Variants in PPL observed in about 807,000 individuals in gnomAD.
The protein encoded by PPL is 190 kDa paraneoplastic pemphigus antigen.
Under a neutral mutation model 194.4 loss-of-function variants are expected in PPL, and 198 were observed. The observed-to-expected ratio is 1.02, with a 90% CI of 0.91 to 1.15. The LOEUF (loss-of-function observed/expected upper bound fraction) is 1.15, where lower values mean the gene tolerates loss of function less well. Ranked by LOEUF, PPL falls within the 50% of genes most tolerant of loss-of-function variation. The pLI is 0.00. For synonymous variants in PPL, 1,220 were observed against 972.4 expected, an observed-to-expected ratio of 1.25 and a Z score of -4.74; for missense variants, 2,885 against 2,294.8, an observed-to-expected ratio of 1.26 and a Z score of -5.25.
chr16:4,884,313 C>A lies in PPL; in HGVS notation c.4342G>T (p.Val1448Leu). The change falls in exon 22 of 22, where the codon GTG (valine) becomes TTG (leucine). Residue 1448 changes from valine (V) to leucine (L), a missense_variant. By Grantham distance (32) the Val-to-Leu change is conservative. Transcript: ENST00000345988. This position sits in a 1 kb window ranked among gnomAD's most constrained non-coding sequence, Gnocchi z 5.7. ...GCCTGCTGCGGGTCCTGCTGCAGCA[C>A]CACCTTCTGCGTATGGGTTACCTTC... The part of the protein sequence containing the change: ...REKVTHTQKV[V>L]LQQDPQQARE... The A allele has an allele frequency of 6.2e-7, 1 of 1,612,736 alleles. No homozygotes were observed. Among genetic ancestry groups the A allele is most frequent in the Non-Finnish European group, 8.5e-7 (1 of 1,179,672 alleles).
At chr16:4,897,964 A>C (rs953932617) in intron 8 of PPL, among the ~76,000 whole-genome samples, 194 bp from the exon 9 acceptor site, 1 of 152,170 alleles carries the variant, frequency 6.6e-6, no homozygotes, top group African/African-American at 2.4e-5. Flanking sequence ...CAAGGAGCCA[A>C]ACAGGGATGC....
intron 3 of PPL, 127 bp downstream of exon 3, chr16:4,903,759 C>A: frequency 9.1e-7 from 1 of 1,099,710 alleles, no homozygotes; most frequent in East Asian, 2.4e-5. Flanking sequence ...AAGCCTTTGG[C>A]ACGTGCCTGG....
rs1372389450 is a variant in PPL at position 4,885,999 on chromosome 16, C to T, written c.2656G>A (p.Asp886Asn). The T allele has an allele frequency of 2.5e-6, 4 of 1,614,004 alleles. No individual in the cohort carries two copies. The highest frequency in any genetic ancestry group is 3.4e-6 in the Non-Finnish European group (4 of 1,180,042). ...TTCCACGCCTCCTCCACTCCAGAGT[C>T]CGGCCTATTCCTTTGCAGGGTCTCA... ...THETLQRNRPDSGVEEAWKIR... is the reference protein window; with the variant it reads ...THETLQRNRPNSGVEEAWKIR... Residue 886 changes from aspartate to asparagine, a missense_variant, in exon 22 of 22, where the codon GAC (aspartate) becomes AAC (asparagine). Physicochemically the swap from Asp to Asn is conservative, Grantham distance 23. Coordinates refer to ENST00000345988, the MANE Select transcript of PPL (RefSeq NM_002705.5). The surrounding 1 kb of genome is among the most constrained non-coding windows in gnomAD (Gnocchi z 6.3).
At position 4,893,296 on chromosome 16, in the gene PPL, T is replaced by C. The variant is rs1167646983; in HGVS notation, c.1567A>G (p.Lys523Glu). The change falls in exon 14 of 22, where the codon AAG becomes GAG. Residue 523 changes from lysine (K) to glutamate (E), a missense_variant. By Grantham distance (56) the Lys-to-Glu change is moderately conservative. Transcript: ENST00000345988. ...KVASDLDRQE[K>E]AITGILRPPL... ...GGCCGCAGGATCCCTGTGATGGCCTTCTCCTGCCGGTCCAGGTCGCTGGCC... is the reference window on the plus strand; with the variant it reads ...GGCCGCAGGATCCCTGTGATGGCCTCCTCCTGCCGGTCCAGGTCGCTGGCC... The C allele has an allele frequency of 1.0e-5, 16 of 1,605,594 alleles. No homozygotes were observed. The highest frequency in any genetic ancestry group is 6.7e-5 in the East Asian group (3 of 44,808).
chr16:4,888,342 G>A (rs970451710), intron 19 of PPL, 124 bp from the exon 20 acceptor site: 11 of 682,196 alleles, frequency 1.6e-5, no homozygotes, highest in East Asian at 2.6e-5. Context: ...TATAATCTGC[G>A]TGGGTCTTCC....
intron 1 of PPL, among the ~76,000 whole-genome samples, chr16:4,912,615 A>G (rs1463628994): frequency 1.3e-5 from 2 of 152,256 alleles, no homozygotes; most frequent in African/African-American, 4.8e-5. Flanking sequence ...TTACAAAGGT[A>G]ACTTCTCTCC....
At chr16:4,911,533 A>G (rs2088820497) in intron 1 of PPL, among the ~76,000 whole-genome samples, 1 of 151,816 alleles carries the variant, frequency 6.6e-6, no homozygotes, top group African/African-American at 2.4e-5. Flanking sequence ...TCATTCATTC[A>G]TTCATTCATT....
In PPL at chr16:4,930,335, C is replaced by T. The variant is rs996769880; in HGVS notation, c.62+6649G>A. 7.2e-5 allele frequency among the ~76,000 whole-genome samples: 11 copies of T among 152,304 alleles called. No homozygotes were observed. The East Asian group carries it at 7.7e-4, about 11-fold the overall frequency. On this transcript the variant is annotated intron_variant, in intron 1 of 21. Transcript: ENST00000345988. The stretch of plus-strand genomic sequence containing the variant: ...CCAACTCTCTGCTCACCGTCCTGCA[C>T]GCAGGAGGTGACTGGATGGGGACAG...
At chr16:4,933,126 T>G (rs2089247095) in intron 1 of PPL, among the ~76,000 whole-genome samples, 1 of 151,926 alleles carries the variant, frequency 6.6e-6, no homozygotes, top group South Asian at 2.1e-4. Context: ...TTCAGCCTCC[T>G]GAGTAGCTGG....
chr16:4,888,756 G>T (rs2088259316), intron 19 of PPL: 1 of 498,784 alleles, frequency 2.0e-6, no homozygotes, highest in Non-Finnish European at 3.6e-6. Context: ...TTCCCCCAAA[G>T]TGTTTACTGC....
rs1223009950 is a variant in PPL, at chr16:4,899,205, C to G, written c.768+18G>C. The G allele has an allele frequency of 6.2e-7, 1 of 1,613,480 alleles. No homozygotes were observed. Among genetic ancestry groups the G allele is most frequent in the Non-Finnish European group, 8.5e-7 (1 of 1,179,642 alleles). On this transcript the variant is annotated intron_variant, in intron 7 of 21. Transcript: ENST00000345988. ...CAGGGCTGCCTCCTCCCTGATGCCCCAGGCCCCCAGAACCCACCTCATACT... is the reference window on the plus strand; with the variant it reads ...CAGGGCTGCCTCCTCCCTGATGCCCGAGGCCCCCAGAACCCACCTCATACT...
rs772589124 is a variant in PPL at position 4,890,820 on chromosome 16, G to C, written c.2070C>G (p.Phe690Leu). The change falls in exon 17 of 22, where the codon TTC (phenylalanine) becomes TTG (leucine). Residue 690 changes from phenylalanine to leucine, a missense_variant. By Grantham distance (22) the Phe-to-Leu change is conservative. Coordinates refer to ENST00000345988, the MANE Select transcript of PPL (RefSeq NM_002705.5). ...GCTCCAGGTCCGGACAGTGCTCCTGGAAGCGGCTGGCCAGTGTGCTCGAGC... is the reference window on the plus strand; with the variant it reads ...GCTCCAGGTCCGGACAGTGCTCCTGCAAGCGGCTGGCCAGTGTGCTCGAGC... Reference protein sequence around the residue: ...KQCSSTLASRFQEHCPDLERQ... With the variant: ...KQCSSTLASRLQEHCPDLERQ... 2 of 1,589,518 alleles carry C rather than the reference G, an allele frequency of 1.3e-6. No individual in the cohort carries two copies. The highest frequency in any genetic ancestry group is 2.3e-5 in the East Asian group (1 of 43,562).
At position 4,888,959 on chromosome 16, in the gene PPL, C is replaced by T. The variant is rs368563221; in HGVS notation, c.2397+19G>A. ...AGACCCCTGCTGTTTGTGCTTTGGG[C>T]GGAAGTTTCCCGGCTCACCTTTACA... On this transcript the variant is annotated intron_variant, in intron 19 of 21. Coordinates refer to ENST00000345988, the MANE Select transcript of PPL (RefSeq NM_002705.5). 443 of 1,610,970 alleles carry T rather than the reference C, an allele frequency of 2.7e-4. No homozygotes were observed. The highest frequency in any genetic ancestry group is 3.4e-4 in the Non-Finnish European group (400 of 1,178,402).
rs2088137354 is a variant in PPL, at chr16:4,883,368, G to A, written c.*16C>T. 1.2e-6 allele frequency: 2 copies of A among 1,613,254 alleles called. No individual in the cohort carries two copies. Among genetic ancestry groups the A allele is most frequent in the African/African-American group, 2.7e-5 (2 of 74,908 alleles). On this transcript the variant is annotated 3_prime_UTR_variant, in exon 22 of 22. Transcript: ENST00000345988. The surrounding 1 kb of genome is among the most constrained non-coding windows in gnomAD (Gnocchi z 4.8). ...GGGCCAGCGTCTGCCGTTACGAAGA[G>A]TTGCAAGAGCTGTGCCTACTTCTGC... is the stretch of plus-strand genomic sequence containing the variant.
intron 9 of PPL, among the ~76,000 whole-genome samples, chr16:4,897,106 G>A (rs1017775450): frequency 2.0e-5 from 3 of 151,510 alleles, no homozygotes; most frequent in African/African-American, 7.3e-5. Context: ...AGGCCGAGGC[G>A]GGAGGATCAC....
intron 1 of PPL, among the ~76,000 whole-genome samples, chr16:4,930,411 C>T (rs180921292): frequency 7.2e-5 from 11 of 152,368 alleles, no homozygotes; most frequent in Admixed American, 3.3e-4. Context: ...TAGCTGGAAC[C>T]CCTGCCCCAT....
chr16:4,887,255 TCAA>T, intron 20 of PPL, 28 bp from the exon 21 acceptor site: 1 of 1,543,250 alleles, frequency 6.5e-7, no homozygotes. Flanking sequence ...AGGAGAGCGG[TCAA>T]CAAACAGGTG....
Position 4,886,024 on chromosome 16 carries a change from A to G in PPL, c.2631T>C (p.His877=). The G allele has an allele frequency of 6.2e-7, 1 of 1,613,904 alleles. No individual in the cohort carries two copies. Among genetic ancestry groups the G allele is most frequent in the South Asian group, 1.1e-5 (1 of 91,072 alleles). ...LRQQPEVEVT[H]ETLQRNRPDS... Reference sequence around the variant, plus strand: ...CCGGCCTATTCCTTTGCAGGGTCTCATGGGTCACTTCTACTTCCGGCTGCT... The same window carrying G: ...CCGGCCTATTCCTTTGCAGGGTCTCGTGGGTCACTTCTACTTCCGGCTGCT... The change falls in exon 22 of 22, where the codon CAT becomes CAC. Residue 877 remains histidine (H), a synonymous_variant. Transcript: ENST00000345988.
chr16:4,887,088 A>T, intron 21 of PPL, 47 bp downstream of exon 21: 1 of 1,414,544 alleles, frequency 7.1e-7, no homozygotes. Context: ...TGTATTTGTC[A>T]CCTGTTAGAA....
Sources: gnomAD v4.1 joint callset for allele counts (sites outside exome capture counted in the v4.1 genomes callset) on GRCh38, gnomAD v4.1.1 for gene constraint, Gnocchi (gnomAD v3.1) non-coding constraint, MANE v1.5 for transcripts, NCBI Gene and HGNC (gene_info 2026-07-23, HGNC 2026-07-21) for gene names.